Variants in SPAST observed in about 807,000 individuals in gnomAD.
The protein encoded by SPAST is spastic paraplegia 4 (autosomal dominant; spastin).
SPAST carries 30 observed loss-of-function variants against 76.6 expected under a neutral mutation model. The observed-to-expected ratio is 0.39, with a 90% CI of 0.29 to 0.53. The LOEUF is 0.53. Ranked by LOEUF, SPAST falls within the 20% of genes least tolerant of loss-of-function variation. The pLI is 0.68. For synonymous variants in SPAST, 305 were observed against 281.0 expected (o/e 1.09, Z -0.86); for missense variants, 717 against 770.5 (o/e 0.93, Z 0.82).
At chr2:32,104,517 T>C (rs867988550) in intron 4 of SPAST, among the ~76,000 whole-genome samples, 13 of 152,184 alleles carry the variant, frequency 8.5e-5, no homozygotes, top group Admixed American at 2.6e-4. Flanking sequence ...GTTATTTTGC[T>C]CGTTAGTTGA....
chr2:32,098,835 C>T lies in SPAST; in HGVS notation c.626C>T (p.Thr209Met), dbSNP rs537855621. The change falls in exon 4 of 17, where the codon ACG becomes ATG. Residue 209 changes from threonine to methionine, a missense_variant. Around this residue, in one of 3 missense-constraint regions of SPAST, gnomAD observed 543 missense variants for 445.2 expected, o/e 1.22. Transcript: ENST00000315285. Reference protein sequence around the residue: ...QPVLPFSKSQTDVYNDSTNLA... With the variant: ...QPVLPFSKSQMDVYNDSTNLA... The stretch of plus-strand genomic sequence containing the variant: ...GTTTTGCCATTTTCCAAGTCACAAA[C>T]GGACGTCTATAATGACAGTACTAAC... 3.7e-5 allele frequency: 60 copies of T among 1,613,766 alleles called. 1 individual carries two copies. In the South Asian group the frequency reaches 4.1e-4, roughly 11 times the overall value.
chr2:32,145,049 T>A, intron 15 of SPAST, 42 bp downstream of exon 15: 1 of 1,426,354 alleles, frequency 7.0e-7, no homozygotes, highest in Non-Finnish European at 9.9e-7. Context: ...CTATTTATTA[T>A]ACCACCTTAG....
chr2:32,074,743 G>A (rs1349885766), intron 1 of SPAST, among the ~76,000 whole-genome samples: 1 of 152,062 alleles, frequency 6.6e-6, no homozygotes, highest in Non-Finnish European at 1.5e-5. Flanking sequence ...CGGACCTCAA[G>A]CAATCCATCT....
At chr2:32,071,944 A>C (rs1444282215) in intron 1 of SPAST, among the ~76,000 whole-genome samples, 1 of 152,250 alleles carries the variant, frequency 6.6e-6, no homozygotes, top group Admixed American at 6.5e-5. Flanking sequence ...AGGATTCTCT[A>C]CAGAACGTAA....
At chr2:32,149,665 TC>T (rs1177265936) in intron 16 of SPAST, among the ~76,000 whole-genome samples, 2 of 152,212 alleles carry the variant, frequency 1.3e-5, no homozygotes, top group Admixed American at 1.3e-4. Context: ...TTGTTATTAT[TC>T]CCTAAACAAT....
intron 9 of SPAST, among the ~76,000 whole-genome samples, chr2:32,135,904 C>G (rs966797177): frequency 3.3e-5 from 5 of 151,618 alleles, no homozygotes; most frequent in Non-Finnish European, 7.4e-5. Context: ...ATGGTAAAAC[C>G]CCATCTTTAC....
At chr2:32,077,551 G>A (rs557526062) in intron 1 of SPAST, among the ~76,000 whole-genome samples, 4 of 152,144 alleles carry the variant, frequency 2.6e-5, no homozygotes, top group Non-Finnish European at 5.9e-5. Flanking sequence ...CAGGTAAGGA[G>A]TTTGACGCCC....
intron 7 of SPAST, among the ~76,000 whole-genome samples, chr2:32,120,652 G>A (rs550570289): frequency 1.3e-4 from 19 of 144,268 alleles, no homozygotes; most frequent in African/African-American, 4.6e-4. Context: ...TGCTTTCCAT[G>A]CCTGTGTCAA....
In SPAST at chr2:32,140,755, A is replaced by T. The variant is rs1017884275; in HGVS notation, c.1494-1149A>T. Among the ~76,000 whole-genome samples the T allele has an allele frequency of 2.1e-5, 3 of 145,466 alleles. No homozygotes were observed. In the East Asian group the frequency reaches 5.8e-4, roughly 28 times the overall value. On this transcript the variant is annotated intron_variant, in intron 12 of 16. Coordinates refer to ENST00000315285, the MANE Select transcript of SPAST (RefSeq NM_014946.4). ...AACGTGGCAAAACCCCATATCTATA[A>T]AAAAAACTTAAGGATAAAAAAAATT...
chr2:32,083,652 C>T (rs1677325419), intron 1 of SPAST, among the ~76,000 whole-genome samples: 1 of 24,866 alleles, frequency 4.0e-5, no homozygotes, highest in African/African-American at 1.4e-4. Context: ...TTGACTCTGC[C>T]TACTATATAT....
At chr2:32,099,719 G>T (rs1322992288) in intron 4 of SPAST, among the ~76,000 whole-genome samples, 1 of 151,936 alleles carries the variant, frequency 6.6e-6, no homozygotes, top group South Asian at 2.1e-4. Flanking sequence ...ATATTATATT[G>T]TTACCTATAA....
intron 1 of SPAST, among the ~76,000 whole-genome samples, chr2:32,064,760 TAATC>T (rs1384092168): frequency 1.3e-5 from 2 of 152,234 alleles, no homozygotes; most frequent in African/African-American, 4.8e-5. Context: ...TGCATCATTT[TAATC>T]AAGATAATCA....
chr2:32,129,095 A>G (rs959312880), intron 9 of SPAST: 1 of 153,420 alleles, frequency 6.5e-6, no homozygotes, highest in African/African-American at 2.4e-5. Flanking sequence ...AGTTCAACCC[A>G]TTAACAAATA....
Position 32,125,359 on chromosome 2 carries a change from G to A in SPAST, c.1099-1589G>A, listed in dbSNP as rs1208435933. ...ATGCCTCAACCTCCCGAGTAGCTGA[G>A]ATTACAGGCATGTGCCACCACGCCC... is the stretch of plus-strand genomic sequence containing the variant. On this transcript the variant is annotated intron_variant, in intron 7 of 16. Coordinates refer to ENST00000315285, the MANE Select transcript of SPAST (RefSeq NM_014946.4). Among the ~76,000 whole-genome samples the A allele has an allele frequency of 3.9e-5, 6 of 152,080 alleles. No individual in the cohort carries two copies. In the East Asian group the frequency reaches 1.2e-3, roughly 29 times the overall value.
chr2:32,063,780 C>A lies in SPAST; in HGVS notation c.-52C>A. On this transcript the variant is annotated 5_prime_UTR_variant, in exon 1 of 17. Transcript: ENST00000315285. ...AGTGGCTGCCGCCGTCGCTTGGTTC[C>A]CGTCGGTCTGCGGGAGGCGGGTTAT... 1 of 1,538,986 alleles carries A rather than the reference C, an allele frequency of 6.5e-7. No individual in the cohort carries two copies. The highest frequency in any genetic ancestry group is 1.2e-5 in the South Asian group (1 of 84,152).
chr2:32,153,318 A>T (rs1011232070), intron 16 of SPAST, among the ~76,000 whole-genome samples: 1 of 79,286 alleles, frequency 1.3e-5, no homozygotes, highest in African/African-American at 4.9e-5. Context: ...TTTTGCCTTA[A>T]TTTTTTTTTT....
chr2:32,124,131 G>A (rs1398489263), intron 7 of SPAST, among the ~76,000 whole-genome samples: 1 of 152,064 alleles, frequency 6.6e-6, no homozygotes, highest in Non-Finnish European at 1.5e-5. Context: ...TCTGATGAAG[G>A]ACCAGTATCC....
chr2:32,122,585 G>A (rs1232254946), intron 7 of SPAST, among the ~76,000 whole-genome samples: 2 of 151,882 alleles, frequency 1.3e-5, no homozygotes, highest in African/African-American at 4.8e-5. Flanking sequence ...GCCTCCCAAA[G>A]TGCTGGGATT....
At chr2:32,120,594 A>G (rs1678985927) in intron 7 of SPAST, among the ~76,000 whole-genome samples, 1 of 130,778 alleles carries the variant, frequency 7.6e-6, no homozygotes, top group Non-Finnish European at 1.6e-5. Context: ...TTTTTTTCCC[A>G]GAATACCTTT....
Sources: gnomAD v4.1 joint callset for allele counts (sites outside exome capture counted in the v4.1 genomes callset) on GRCh38, gnomAD v4.1.1 for gene constraint, gnomAD v4.1.1 regional missense constraint, MANE v1.5 for transcripts, NCBI Gene and HGNC (gene_info 2026-07-23, HGNC 2026-07-21) for gene names.